Variants in NFIB observed in about 807,000 individuals in gnomAD.
NFIB encodes nuclear factor I B, also known as nuclear factor 1 B-type.
In NFIB, 11 loss-of-function variants were observed where a neutral mutation model predicts 61.5. The observed-to-expected ratio is 0.18, with a 90% CI of 0.11 to 0.30. The LOEUF (loss-of-function observed/expected upper bound fraction) is 0.30. NFIB is among the 10% of genes least tolerant of loss of function. The probability of loss-of-function intolerance (pLI) is 1.00; values close to 1 mark genes in which losing one functional copy is unlikely to be tolerated. For missense variants in NFIB, 471 were observed against 608.9 expected (o/e 0.77, Z 2.38); for synonymous variants, 260 against 216.5 (o/e 1.20, Z -1.76).
chr9:14,495,576 C>T, the NFIB span, among the ~76,000 whole-genome samples: 56,974 of 151,112 alleles, frequency 0.38, 11,611 homozygotes, highest in African/African-American at 0.5. Context: ...GAGGGCAACG[C>T]CAATCATTTC....
chr9:14,102,011 A>T (rs1189335964), intron 10 of NFIB, among the ~76,000 whole-genome samples: 1 of 152,166 alleles, frequency 6.6e-6, no homozygotes, highest in Non-Finnish European at 1.5e-5. Flanking sequence ...AATGGCTTAG[A>T]ATTAGCAGTA....
chr9:14,426,549 A>G, the NFIB span, among the ~76,000 whole-genome samples: 1 of 152,210 alleles, frequency 6.6e-6, no homozygotes, highest in Non-Finnish European at 1.5e-5. Context: ...TGTATATCTT[A>G]TGAATCTTTA....
chr9:14,220,857 A>C lies in NFIB; in HGVS notation c.563-41077T>G, dbSNP rs1345657262. On this transcript the variant is annotated intron_variant, in intron 2 of 10. Transcript: ENST00000380953. The stretch of plus-strand genomic sequence containing the variant: ...TCAATCTCCCTACACACACACACAC[A>C]CACACACACACACACACACACACAC... Among the ~76,000 whole-genome samples, 5 of 150,020 alleles carry C rather than the reference A, an allele frequency of 3.3e-5. No individual in the cohort carries two copies. In the East Asian group the frequency reaches 5.9e-4, roughly 18 times the overall value.
At chr9:14,229,013 G>A (rs1457655109) in intron 2 of NFIB, among the ~76,000 whole-genome samples, 1 of 149,934 alleles carries the variant, frequency 6.7e-6, no homozygotes, top group East Asian at 1.9e-4. Context: ...AAAACGCTTT[G>A]GGCAGGTTTA....
chr9:14,469,556 G>A, the NFIB span, among the ~76,000 whole-genome samples: 1 of 152,110 alleles, frequency 6.6e-6, no homozygotes, highest in Non-Finnish European at 1.5e-5. Context: ...TCTTCCCTCT[G>A]CATGCATGCT....
Position 14,229,526 on chromosome 9 carries a change from CT to C in NFIB, c.563-49747del, listed in dbSNP as rs1325571215. Reference sequence around the variant, plus strand: ...ATATAAACTGGAGATAAAATAATGCCTTAAATAAAATAATGTATGTAAAGTT... The same window carrying C: ...ATATAAACTGGAGATAAAATAATGCCTAAATAAAATAATGTATGTAAAGTT... On this transcript the variant is annotated intron_variant, in intron 2 of 10. Coordinates refer to ENST00000380953, the MANE Select transcript of NFIB (RefSeq NM_001190737.2). Among the ~76,000 whole-genome samples the C allele has an allele frequency of 2.6e-5, 4 of 152,200 alleles. No individual in the cohort carries two copies. In the East Asian group the frequency reaches 7.7e-4, roughly 29 times the overall value.
intron 1 of NFIB, among the ~76,000 whole-genome samples, chr9:14,392,482 C>T (rs1268077124): frequency 1.3e-5 from 2 of 152,174 alleles, no homozygotes; most frequent in African/African-American, 2.4e-5. Context: ...AATCCCAGCA[C>T]TTTGGGAGGC....
At chr9:14,263,965 G>A (rs2056994901) in intron 2 of NFIB, among the ~76,000 whole-genome samples, 1 of 152,208 alleles carries the variant, frequency 6.6e-6, no homozygotes, top group Admixed American at 6.5e-5. Flanking sequence ...CCCAGTTTAA[G>A]TGAGAAAGAG....
At chr9:14,187,065 G>GTA (rs1563879560) in intron 2 of NFIB, among the ~76,000 whole-genome samples, 151 of 130,920 alleles carry the variant, frequency 1.2e-3, no homozygotes, top group African/African-American at 3.9e-3. Context: ...GTGTGTGTGT[G>GTA]TGTGTGTGCC....
At chr9:14,461,901 G>A in the NFIB span, among the ~76,000 whole-genome samples, 1 of 152,158 alleles carries the variant, frequency 6.6e-6, no homozygotes, top group African/African-American at 2.4e-5. Flanking sequence ...GAGCAACCAG[G>A]GAATAGCAAA....
the NFIB span, among the ~76,000 whole-genome samples, chr9:14,492,747 A>G: frequency 6.6e-6 from 1 of 152,304 alleles, no homozygotes; most frequent in Non-Finnish European, 1.5e-5. Flanking sequence ...TTACAACTGA[A>G]CATGAGATTT....
At chr9:14,406,917 G>A in the NFIB span, among the ~76,000 whole-genome samples, 1 of 152,192 alleles carries the variant, frequency 6.6e-6, no homozygotes, top group Admixed American at 6.5e-5. Context: ...ATTGAACTGT[G>A]AGTGAGAAAT....
chr9:14,343,472 T>C (rs1309799167), intron 1 of NFIB, among the ~76,000 whole-genome samples: 1 of 151,404 alleles, frequency 6.6e-6, no homozygotes, highest in Non-Finnish European at 1.5e-5. Flanking sequence ...TCAGAAGGAG[T>C]TGCTATTACA....
chr9:14,389,759 A>C (rs1055273721), intron 1 of NFIB, among the ~76,000 whole-genome samples: 1 of 151,838 alleles, frequency 6.6e-6, no homozygotes, highest in Non-Finnish European at 1.5e-5. Context: ...ACCCCCAAAG[A>C]CTCTTTATTA....
intron 1 of NFIB, among the ~76,000 whole-genome samples, chr9:14,356,515 G>C (rs967951901): frequency 6.6e-6 from 1 of 152,250 alleles, no homozygotes; most frequent in African/African-American, 2.4e-5. Flanking sequence ...TGGTCAGCAA[G>C]GCCCTGAGGG....
rs2032551349 is a variant in NFIB, at chr9:14,084,602, G to A, written c.*3707C>T. ...GGCACTGTGAGTGGTGGGTGGCAGG[G>A]CAGCACACAAAGGCTGAACAGTGCC... On this transcript the variant is annotated 3_prime_UTR_variant, in exon 11 of 11. Coordinates refer to ENST00000380953, the MANE Select transcript of NFIB (RefSeq NM_001190737.2). 8.7e-6 allele frequency: 2 copies of A among 228,798 alleles called. No individual in the cohort carries two copies. Among genetic ancestry groups the A allele is most frequent in the African/African-American group, 2.2e-5 (1 of 45,122 alleles). The allele number at this position is 228,798 out of a possible 1,614,324, so 14.2% of individuals were successfully genotyped here.
intron 6 of NFIB, 66 bp downstream of exon 6, chr9:14,146,623 A>C: frequency 6.2e-7 from 1 of 1,608,740 alleles, no homozygotes; most frequent in Middle Eastern, 1.7e-4. Flanking sequence ...ATTTTGACTC[A>C]ACGAAACTTA....
At chr9:14,490,791 A>G in the NFIB span, among the ~76,000 whole-genome samples, 1 of 152,190 alleles carries the variant, frequency 6.6e-6, no homozygotes, top group Non-Finnish European at 1.5e-5. Context: ...GGCAAAAAAT[A>G]TAGGTTCTTT....
intron 6 of NFIB, among the ~76,000 whole-genome samples, chr9:14,141,578 G>A (rs1274730748): frequency 2.6e-5 from 4 of 151,982 alleles, no homozygotes; most frequent in African/African-American, 4.8e-5. Flanking sequence ...GAGGTCAAGG[G>A]CTGGAAACTT....
Sources: gnomAD v4.1 joint callset for allele counts (sites outside exome capture counted in the v4.1 genomes callset) on GRCh38, gnomAD v4.1.1 for gene constraint, MANE v1.5 for transcripts, NCBI Gene and HGNC (gene_info 2026-07-23, HGNC 2026-07-21) for gene names.